WFDC1: variants seen among roughly 807,000 people sequenced by gnomAD.
The protein encoded by WFDC1 is WAP four-disulfide core domain protein 1.
In WFDC1, 39 loss-of-function variants were observed where a neutral mutation model predicts 32.9. The observed-to-expected ratio is 1.19, with a 90% confidence interval of 0.92 to 1.55. WFDC1 has a LOEUF of 1.55. WFDC1 is among the 40% of genes most tolerant of loss of function. The pLI is 0.00. For missense variants in WFDC1, 386 were observed against 309.5 expected, an observed-to-expected ratio of 1.25 and a Z score of -1.85; for synonymous variants, 184 against 137.4, an observed-to-expected ratio of 1.34 and a Z score of -2.37.
intron 5 of WFDC1, 46 bp from the exon 6 acceptor site, chr16:84,326,836 C>T (rs367871021): frequency 8.6e-5 from 138 of 1,611,394 alleles, no homozygotes; most frequent in Non-Finnish European, 1.1e-4. Context: ...GGCATTAGAG[C>T]AGGAATAGAT....
rs376033225 is a variant in WFDC1 at position 84,297,977 on chromosome 16, C to T, written c.144+2862C>T. On this transcript the variant is annotated intron_variant, in intron 1 of 6. Coordinates refer to ENST00000219454, the MANE Select transcript of WFDC1 (RefSeq NM_021197.4). ...TGAGACCTTCAGCCTTGGCCCTGAC[C>T]CTCAAGGGCTATGGGCTCGTCAGAG... Among the ~76,000 whole-genome samples the T allele has an allele frequency of 2.6e-5, 4 of 152,258 alleles. No homozygotes were observed. The East Asian group carries it at 5.8e-4, about 22-fold the overall frequency.
chr16:84,325,392 G>A (rs528746387), intron 5 of WFDC1, among the ~76,000 whole-genome samples: 27 of 152,182 alleles, frequency 1.8e-4, no homozygotes, highest in South Asian at 2.1e-4. Context: ...TAGTAGAGAC[G>A]AGGTTTCACC....
chr16:84,323,858 C>T (rs186424273), intron 4 of WFDC1, among the ~76,000 whole-genome samples: 262 of 152,356 alleles, frequency 1.7e-3, no homozygotes, highest in Non-Finnish European at 2.4e-3. Flanking sequence ...TGGCGGCTCA[C>T]GCCTGTAATC....
intron 5 of WFDC1, 95 bp downstream of exon 5, chr16:84,324,555 G>T: frequency 7.1e-7 from 1 of 1,410,142 alleles, no homozygotes; most frequent in Non-Finnish European, 9.8e-7. Context: ...CCAGGGCTGA[G>T]ATATAGGGAA....
At chr16:84,321,015 A>G (rs1326443602) in intron 4 of WFDC1, among the ~76,000 whole-genome samples, 1 of 152,210 alleles carries the variant, frequency 6.6e-6, no homozygotes, top group Non-Finnish European at 1.5e-5. Context: ...TTATCTACAA[A>G]AGGCTTTGAA....
intron 4 of WFDC1, 74 bp downstream of exon 4, chr16:84,319,645 C>G: frequency 6.4e-7 from 1 of 1,553,586 alleles, no homozygotes; most frequent in Non-Finnish European, 8.7e-7. Context: ...CTCTCACCCG[C>G]ATGGACGACC....
chr16:84,300,162 T>C (rs932673675), intron 1 of WFDC1, among the ~76,000 whole-genome samples: 2 of 152,260 alleles, frequency 1.3e-5, no homozygotes, highest in African/African-American at 4.8e-5. Context: ...ACCGTAAGCA[T>C]CTGTGTCTGC....
At chr16:84,318,620 G>T (rs769400710) in intron 3 of WFDC1, 14 of 386,612 alleles carry the variant, frequency 3.6e-5, no homozygotes, top group African/African-American at 2.6e-4. Context: ...TGAAGGGGAG[G>T]GGGCTTAGGG....
At chr16:84,297,262 C>G (rs1022182401) in intron 1 of WFDC1, among the ~76,000 whole-genome samples, 52 of 152,264 alleles carry the variant, frequency 3.4e-4, no homozygotes, top group African/African-American at 1.2e-3. Flanking sequence ...GAAACTTTCC[C>G]TGGTTATCAA....
At chr16:84,298,378 A>G (rs1220477876) in intron 1 of WFDC1, among the ~76,000 whole-genome samples, 2 of 152,156 alleles carry the variant, frequency 1.3e-5, no homozygotes, top group Non-Finnish European at 2.9e-5. Flanking sequence ...TATAGGTGTG[A>G]GCCACCGCAC....
intron 1 of WFDC1, among the ~76,000 whole-genome samples, chr16:84,306,089 G>A (rs961212199): frequency 6.6e-5 from 10 of 152,000 alleles, no homozygotes; most frequent in East Asian, 1.9e-4. Flanking sequence ...AGCATTGCCC[G>A]TGCTGAGCCG....
chr16:84,318,764 G>A, intron 3 of WFDC1: 1 of 225,774 alleles, frequency 4.4e-6, no homozygotes, highest in Admixed American at 4.9e-5. Flanking sequence ...GGGCCTGGAG[G>A]CCTAGGAGGT....
intron 1 of WFDC1, among the ~76,000 whole-genome samples, chr16:84,305,863 C>T (rs1017906101): frequency 2.0e-5 from 3 of 151,962 alleles, no homozygotes; most frequent in East Asian, 1.9e-4. Flanking sequence ...ATTAGCCAGG[C>T]GTGGTGGCGG....
At chr16:84,322,160 C>CGTGTGTGTGTGTGTGTGTGTGT (rs10687228) in intron 4 of WFDC1, among the ~76,000 whole-genome samples, 1,626 of 142,234 alleles carry the variant, frequency 0.011, 25 homozygotes, top group South Asian at 0.021. Flanking sequence ...TGTGTGTGTG[C>CGTGTGTGTGTGTGTGTGTGTGT]GTGTGTGTGT....
chr16:84,308,860 G>A (rs951328784), intron 1 of WFDC1, among the ~76,000 whole-genome samples: 2 of 151,508 alleles, frequency 1.3e-5, no homozygotes, highest in African/African-American at 2.4e-5. Flanking sequence ...TGCCAGCCTG[G>A]GTGTAGACGC....
intron 1 of WFDC1, among the ~76,000 whole-genome samples, chr16:84,303,401 G>C (rs1027364199): frequency 6.6e-6 from 1 of 151,930 alleles, no homozygotes; most frequent in African/African-American, 2.4e-5. Context: ...GGCAGCTCTG[G>C]AGATTGGATT....
intron 1 of WFDC1, among the ~76,000 whole-genome samples, chr16:84,309,370 C>A (rs1454340598): frequency 6.6e-6 from 1 of 152,058 alleles, no homozygotes; most frequent in Non-Finnish European, 1.5e-5. Flanking sequence ...GGCCTTGGAG[C>A]ACAGAGGTGA....
chr16:84,303,174 A>T (rs1050843633), intron 1 of WFDC1, among the ~76,000 whole-genome samples: 1 of 152,108 alleles, frequency 6.6e-6, no homozygotes, highest in Non-Finnish European at 1.5e-5. Flanking sequence ...GGGGAGCGAC[A>T]TATTTTTAGA....
At chr16:84,329,042 C>T (rs1233287256) in intron 6 of WFDC1, 1 of 152,004 alleles carries the variant, frequency 6.6e-6, no homozygotes, top group Non-Finnish European at 1.5e-5. Flanking sequence ...ATAATTTCGG[C>T]TCTCCAAGCC....
Sources: allele counts gnomAD v4.1 joint callset (sites outside exome capture counted in the v4.1 genomes callset), GRCh38; gene constraint gnomAD v4.1.1; transcripts MANE v1.5; gene names NCBI Gene and HGNC (gene_info 2026-07-23, HGNC 2026-07-21).